The following AGBL4 variants were observed in gnomAD, a reference collection of about 807,000 sequenced individuals.
AGBL4 encodes the protein AGBL carboxypeptidase 4, also known as cytosolic carboxypeptidase 6.
AGBL4 carries 58 observed loss-of-function variants against 66.4 expected under a neutral mutation model. That is an observed-to-expected ratio of 0.87 (90% CI 0.71 to 1.09). The LOEUF (loss-of-function observed/expected upper bound fraction) is 1.09, where lower values mean the gene tolerates loss of function less well. Ranked by LOEUF, AGBL4 falls within the 50% of genes least tolerant of loss-of-function variation. The pLI, the probability that AGBL4 is intolerant of heterozygous loss-of-function variation, is 0.00. For synonymous variants in AGBL4, 234 were observed against 222.9 expected (o/e 1.05, Z -0.44); for missense variants, 579 against 631.0 (o/e 0.92, Z 0.88).
At chr1:49,406,834 G>A (rs1028762484) in intron 3 of AGBL4, among the ~76,000 whole-genome samples, 8 of 151,918 alleles carry the variant, frequency 5.3e-5, no homozygotes, top group African/African-American at 1.9e-4. Context: ...GGGAGGCCGA[G>A]GTGGGCGGAT....
chr1:49,787,636 G>A lies in AGBL4; in HGVS notation c.157+63760C>T, dbSNP rs777129296. Among the ~76,000 whole-genome samples, 5 of 152,098 alleles carry A rather than the reference G, an allele frequency of 3.3e-5. 1 individual carries two copies. In the South Asian group the frequency reaches 8.3e-4, roughly 25 times the overall value. ...GATAGGTCACTAGAAAGACTCAGAG[G>A]ACTCAGAATAAGTTATGCTCAATTA... On this transcript the variant is annotated intron_variant, in intron 2 of 13. Coordinates refer to ENST00000371839, the MANE Select transcript of AGBL4 (RefSeq NM_032785.4).
intron 5 of AGBL4, among the ~76,000 whole-genome samples, chr1:48,968,669 C>T (rs919767921): frequency 1.3e-5 from 2 of 152,094 alleles, no homozygotes; most frequent in African/African-American, 2.4e-5. Flanking sequence ...TATCTAAGGC[C>T]ACACAGTGGG....
At chr1:49,387,815 C>A (rs909499083) in intron 3 of AGBL4, among the ~76,000 whole-genome samples, 1 of 151,896 alleles carries the variant, frequency 6.6e-6, no homozygotes, top group Non-Finnish European at 1.5e-5. Flanking sequence ...TAATGCTTTT[C>A]ATAAAGGCTC....
chr1:50,010,456 G>A (rs1212977424), intron 1 of AGBL4, among the ~76,000 whole-genome samples: 1 of 126,184 alleles, frequency 7.9e-6, no homozygotes, highest in Non-Finnish European at 1.6e-5. Context: ...CCCAAAATTT[G>A]TAAGGAACCA....
intron 6 of AGBL4, among the ~76,000 whole-genome samples, chr1:48,828,457 T>G (rs1646479492): frequency 1.3e-5 from 2 of 152,146 alleles, no homozygotes; most frequent in Non-Finnish European, 2.9e-5. Flanking sequence ...GGTGAGAGTA[T>G]CTTCCTATTG....
At chr1:48,829,309 G>A (rs1293618750) in intron 6 of AGBL4, among the ~76,000 whole-genome samples, 3 of 152,228 alleles carry the variant, frequency 2.0e-5, no homozygotes, top group African/African-American at 7.2e-5. Context: ...ATCCTAGTCA[G>A]TCTGGCTCCA....
Position 48,567,739 on chromosome 1 carries a change from T to A in AGBL4, c.1267+19265A>T, listed in dbSNP as rs554648009. ...GAGGAGGATAGTGGGTAGGAGCAGA[T>A]GGCACGTCTTTGGCTGAGCAGGGAG... is the stretch of plus-strand genomic sequence containing the variant. On this transcript the variant is annotated intron_variant, in intron 11 of 13. Coordinates refer to ENST00000371839, the MANE Select transcript of AGBL4 (RefSeq NM_032785.4). Among the ~76,000 whole-genome samples the A allele has an allele frequency of 8.5e-5, 13 of 152,294 alleles. No homozygotes were observed. In the East Asian group the frequency reaches 2.3e-3, roughly 27 times the overall value.
chr1:49,989,563 C>A (rs1489090720), intron 1 of AGBL4, among the ~76,000 whole-genome samples: 2 of 152,108 alleles, frequency 1.3e-5, no homozygotes, highest in African/African-American at 2.4e-5. Flanking sequence ...AGCAGATACC[C>A]TTCCAGCTTT....
At chr1:48,742,526 A>G in intron 6 of AGBL4, 1 of 1,259,788 alleles carries the variant, frequency 7.9e-7, no homozygotes, top group East Asian at 2.8e-5. Context: ...GAGGCCAACC[A>G]GTCAAGCTGC....
intron 4 of AGBL4, among the ~76,000 whole-genome samples, chr1:49,063,986 G>C (rs1447218425): frequency 6.6e-6 from 1 of 152,178 alleles, no homozygotes; most frequent in African/African-American, 2.4e-5. Context: ...TCCAGGTTTT[G>C]CCAGGCATTT....
chr1:48,878,957 G>A (rs747826421), intron 5 of AGBL4, among the ~76,000 whole-genome samples: 32 of 152,042 alleles, frequency 2.1e-4, no homozygotes, highest in Admixed American at 5.2e-4. Flanking sequence ...TCCATTCCAC[G>A]CTGATTGACC....
At chr1:49,542,455 C>T (rs1012880734) in intron 3 of AGBL4, among the ~76,000 whole-genome samples, 5 of 152,124 alleles carry the variant, frequency 3.3e-5, no homozygotes, top group Admixed American at 1.3e-4. Flanking sequence ...GAACAAACTC[C>T]GGACATGCCG....
intron 4 of AGBL4, among the ~76,000 whole-genome samples, chr1:49,166,124 C>T (rs1646629757): frequency 6.6e-6 from 1 of 152,090 alleles, no homozygotes; most frequent in South Asian, 2.1e-4. Context: ...ACATCCCTGC[C>T]TGGGAAATTT....
chr1:49,629,962 G>A (rs1645539377), intron 3 of AGBL4, among the ~76,000 whole-genome samples: 1 of 152,094 alleles, frequency 6.6e-6, no homozygotes, highest in Non-Finnish European at 1.5e-5. Context: ...CATCCATCTG[G>A]TTTGTCGATA....
Position 49,386,341 on chromosome 1 carries a change from T to C in AGBL4, c.283-140477A>G, listed in dbSNP as rs566600673. Among the ~76,000 whole-genome samples, 122 of 151,818 alleles carry C rather than the reference T, an allele frequency of 8.0e-4. 1 individual carries two copies. Among genetic ancestry groups the C allele is most frequent in the African/African-American group, 2.9e-3 (120 of 41,454 alleles). On this transcript the variant is annotated intron_variant, in intron 3 of 13. Coordinates refer to ENST00000371839, the MANE Select transcript of AGBL4 (RefSeq NM_032785.4). ...GTAAATCATGGTGTAACCATGCAAT[T>C]GTGTAGTCTTTGACCATTAAAATTG...
At chr1:49,694,051 C>T (rs1646937544) in intron 3 of AGBL4, among the ~76,000 whole-genome samples, 1 of 152,054 alleles carries the variant, frequency 6.6e-6, no homozygotes, top group Non-Finnish European at 1.5e-5. Context: ...TCAAGAAATA[C>T]AACGCAAAAG....
At chr1:49,075,903 G>A (rs1644700239) in intron 4 of AGBL4, among the ~76,000 whole-genome samples, 1 of 152,130 alleles carries the variant, frequency 6.6e-6, no homozygotes, top group Admixed American at 6.5e-5. Flanking sequence ...GATCTTATAT[G>A]CTCTTTTGAA....
intron 2 of AGBL4, among the ~76,000 whole-genome samples, chr1:49,778,322 G>A (rs760907142): frequency 1.3e-5 from 2 of 152,064 alleles, no homozygotes; most frequent in African/African-American, 2.4e-5. Context: ...CTCCTCACCC[G>A]CAGCCCTGAT....
intron 2 of AGBL4, among the ~76,000 whole-genome samples, chr1:49,738,873 A>C (rs1461776166): frequency 6.6e-6 from 1 of 152,252 alleles, no homozygotes; most frequent in Non-Finnish European, 1.5e-5. Flanking sequence ...ACTAACAAAC[A>C]GAAAGGACAT....
Sources: allele counts gnomAD v4.1 joint callset (sites outside exome capture counted in the v4.1 genomes callset), GRCh38; gene constraint gnomAD v4.1.1; transcripts MANE v1.5; gene names NCBI Gene and HGNC (gene_info 2026-07-23, HGNC 2026-07-21).